JADE3: variants seen among roughly 807,000 people sequenced by gnomAD.
JADE3 encodes jade family PHD finger 3.
Under a neutral mutation model 50.1 loss-of-function variants are expected in JADE3, and 2 were observed. The ratio of observed to expected loss-of-function variants is 0.04; its 90% CI spans 0.02 to 0.13. JADE3 has a LOEUF of 0.13. JADE3 is among the 10% of genes least tolerant of loss of function. JADE3 has a pLI of 1.00. For missense variants in JADE3, 475 were observed against 634.4 expected (o/e 0.75, Z 2.70); for synonymous variants, 218 against 232.9 (o/e 0.94, Z 0.58).
At chrX:46,980,324 A>G (rs1927718722) in intron 1 of JADE3, among the ~76,000 whole-genome samples, 1 of 111,705 alleles carries the variant, frequency 9.0e-6, no homozygotes, top group Non-Finnish European at 1.9e-5. Flanking sequence ...AATGACCAAA[A>G]TATTTTCTAG....
intron 8 of JADE3, among the ~76,000 whole-genome samples, chrX:47,053,007 G>T (rs904361255): frequency 2.7e-5 from 3 of 110,878 alleles, no homozygotes; most frequent in Non-Finnish European, 3.8e-5. Context: ...AGTGAGCCGA[G>T]ATTGCACCAC....
chrX:47,058,068 A>T, intron 10 of JADE3, 99 bp from the exon 11 acceptor site: 1 of 699,918 alleles, frequency 1.4e-6, no homozygotes, highest in Non-Finnish European at 2.2e-6. Context: ...GGTGCTTGTT[A>T]AACATTTGGA....
intron 1 of JADE3, among the ~76,000 whole-genome samples, chrX:46,974,422 G>T (rs1275159340): frequency 1.8e-5 from 2 of 110,665 alleles, no homozygotes; most frequent in Middle Eastern, 4.7e-3. Context: ...AAAAGTTTGG[G>T]AGGTTCTTTG....
At chrX:46,965,568 A>G (rs1556348907) in intron 1 of JADE3, among the ~76,000 whole-genome samples, 1 of 111,441 alleles carries the variant, frequency 9.0e-6, no homozygotes, top group African/African-American at 3.3e-5. Context: ...GGTGAGTCAT[A>G]GTAGGGGAGG....
chrX:47,015,006 C>T (rs1928640379), intron 4 of JADE3, among the ~76,000 whole-genome samples: 1 of 111,949 alleles, frequency 8.9e-6, no homozygotes, highest in Admixed American at 9.5e-5. Context: ...AAATTATCTC[C>T]ACCTTCCAAA....
intron 1 of JADE3, among the ~76,000 whole-genome samples, chrX:46,968,114 G>A (rs1556349384): frequency 8.9e-6 from 1 of 111,955 alleles, no homozygotes; most frequent in Non-Finnish European, 1.9e-5. Context: ...CTCTGGAAGA[G>A]TACAGTAAGT....
chrX:46,978,354 C>T (rs984888046), intron 1 of JADE3, among the ~76,000 whole-genome samples: 1 of 111,782 alleles, frequency 8.9e-6, no homozygotes, highest in Non-Finnish European at 1.9e-5. Context: ...AAGTGAGGTG[C>T]TTCTTTGCAT....
At chrX:47,000,477 A>G (rs1556358758) in intron 4 of JADE3, among the ~76,000 whole-genome samples, 1 of 111,746 alleles carries the variant, frequency 8.9e-6, no homozygotes, top group Non-Finnish European at 1.9e-5. Context: ...CACTTTAAAA[A>G]TGTTATCTGA....
intron 4 of JADE3, among the ~76,000 whole-genome samples, chrX:47,005,052 C>G (rs1928380914): frequency 9.0e-6 from 1 of 111,170 alleles, no homozygotes; most frequent in African/African-American, 3.3e-5. Flanking sequence ...AGCTAGAGTC[C>G]TTGAGACCTG....
At chrX:47,011,872 C>T (rs1246889737) in intron 4 of JADE3, among the ~76,000 whole-genome samples, 1 of 111,835 alleles carries the variant, frequency 8.9e-6, no homozygotes, top group African/African-American at 3.3e-5. Context: ...ACAAAAAAGC[C>T]TTTATGAGGT....
intron 1 of JADE3, among the ~76,000 whole-genome samples, chrX:46,980,724 T>C (rs1463355545): frequency 8.9e-6 from 1 of 111,954 alleles, no homozygotes; most frequent in Non-Finnish European, 1.9e-5. Context: ...AAATATTTTA[T>C]AATTTTACAT....
At position 47,033,737 on chromosome X, in the gene JADE3, C is replaced by G. The variant is rs1556367269; in HGVS notation, c.804C>G (p.Thr268=). The change falls in exon 7 of 11, where the codon ACC becomes ACG. Residue 268 remains threonine (T), a synonymous_variant. Coordinates refer to ENST00000614628, the MANE Select transcript of JADE3 (RefSeq NM_014735.5). ...AGAAAGGTGGAGCCCTGAAGACCAC[C>G]AAGACAGGGACTAAATGGGCTCATG... is the stretch of plus-strand genomic sequence containing the variant. ...CPKKGGALKT[T]KTGTKWAHVS... 1.7e-6 allele frequency: 2 copies of G among 1,195,390 alleles called. No homozygotes were observed. The highest frequency in any genetic ancestry group is 3.7e-5 in the South Asian group (2 of 54,014).
At chrX:46,987,749 G>C (rs984602489) in intron 3 of JADE3, among the ~76,000 whole-genome samples, 1 of 112,252 alleles carries the variant, frequency 8.9e-6, no homozygotes, top group Non-Finnish European at 1.9e-5. Context: ...GACGACAGCT[G>C]GTTCTAGGAC....
chrX:46,984,476 C>A (rs1213045875), intron 1 of JADE3, among the ~76,000 whole-genome samples: 1 of 106,635 alleles, frequency 9.4e-6, no homozygotes, highest in Non-Finnish European at 1.9e-5. Context: ...ATGTCTCATG[C>A]TTTTCAACCT....
At chrX:46,956,356 G>A (rs73480242) in intron 1 of JADE3, among the ~76,000 whole-genome samples, 1,678 of 110,943 alleles carry the variant, frequency 0.015, 23 homozygotes, top group African/African-American at 0.053. Context: ...GAGCCACCGC[G>A]CTTGGCCCCC....
chrX:47,021,337 A>AT (rs1928788820), intron 4 of JADE3, among the ~76,000 whole-genome samples: 1 of 111,439 alleles, frequency 9.0e-6, no homozygotes, highest in African/African-American at 3.3e-5. Context: ...AATATGCCAC[A>AT]TTTTTTATTC....
At chrX:47,025,331 G>A (rs1380579665) in intron 5 of JADE3, among the ~76,000 whole-genome samples, 3 of 111,164 alleles carry the variant, frequency 2.7e-5, no homozygotes, top group Non-Finnish European at 5.7e-5. Context: ...TCTGGCAGGG[G>A]CTTGGAGAGA....
At chrX:46,964,972 C>G (rs1307510648) in intron 1 of JADE3, among the ~76,000 whole-genome samples, 3 of 112,003 alleles carry the variant, frequency 2.7e-5, no homozygotes, top group African/African-American at 9.7e-5. Flanking sequence ...GGCTTCTCGT[C>G]AAGATGGCTC....
chrX:47,053,149 G>A lies in JADE3; in HGVS notation c.973-1009G>A, dbSNP rs782618998. 1.1e-4 allele frequency among the ~76,000 whole-genome samples: 12 copies of A among 105,856 alleles called. No homozygotes were observed. The South Asian group carries it at 4.9e-3, about 43-fold the overall frequency. The allele number at this position is 105,856 out of a possible 115,157, so 91.9% of individuals were successfully genotyped here. On this transcript the variant is annotated intron_variant, in intron 8 of 10. Transcript: ENST00000614628. ...CTATAACAACAATTTCACGGGGCAT[G>A]GTGGCTCACACCTGTAATCCCAACG...
Sources: allele counts gnomAD v4.1 joint callset (sites outside exome capture counted in the v4.1 genomes callset), GRCh38; gene constraint gnomAD v4.1.1; transcripts MANE v1.5; gene names NCBI Gene and HGNC (gene_info 2026-07-23, HGNC 2026-07-21).